HSPA2: variants seen among roughly 807,000 people sequenced by gnomAD.
HSPA2 encodes heat shock-related 70 kDa protein 2.
A neutral mutation model predicts 35.0 loss-of-function variants in HSPA2; 13 were observed. The observed-to-expected ratio is 0.37, with a 90% CI of 0.24 to 0.59. The LOEUF is 0.59. Among genes scored for constraint, HSPA2 ranks in the 20% least tolerant of loss-of-function variants. The pLI, the probability that HSPA2 is intolerant of heterozygous loss-of-function variation, is 0.70. For missense variants in HSPA2, 565 were observed against 885.4 expected (o/e 0.64, Z 4.59); for synonymous variants, 368 against 382.1 (o/e 0.96, Z 0.43).
At chr14:64,539,921 C>G (rs2080010871), upstream of HSPA2, among the ~76,000 whole-genome samples, 1 of 152,172 alleles carries the variant, frequency 6.6e-6, no homozygotes, top group Non-Finnish European at 1.5e-5. Context: ...ACGTCGTGAT[C>G]CGGCCGCCTC....
At chr14:64,538,396 C>T (rs1271439242), upstream of HSPA2, among the ~76,000 whole-genome samples, 2 of 152,198 alleles carry the variant, frequency 1.3e-5, no homozygotes, top group Admixed American at 6.5e-5. Context: ...GAGATGTATC[C>T]TATCCACCTG....
In HSPA2 at chr14:64,542,398, G is replaced by A; in HGVS notation, c.1549G>A (p.Asp517Asn). ...TNDKGRLSKDDIDRMVQEAER... is the reference protein window; with the variant it reads ...TNDKGRLSKDNIDRMVQEAER... ...TGACAAAGGTCGTCTGAGCAAGGAC[G>A]ACATTGACCGGATGGTGCAGGAGGC... The change falls in exon 1 of 1, where the codon GAC becomes AAC. Residue 517 changes from aspartate to asparagine, a missense_variant. Physicochemically the swap from Asp to Asn is conservative, Grantham distance 23. Coordinates refer to ENST00000247207, the MANE Select transcript of HSPA2 (RefSeq NM_021979.4). The surrounding 1 kb of genome is among the most constrained non-coding windows in gnomAD (Gnocchi z 5.7). 2 of 1,613,810 alleles carry A rather than the reference G, an allele frequency of 1.2e-6. No homozygotes were observed. The highest frequency in any genetic ancestry group is 1.7e-6 in the Non-Finnish European group (2 of 1,179,926).
At chr14:64,537,734 T>C (rs927972261), upstream of HSPA2, among the ~76,000 whole-genome samples, 1 of 142,560 alleles carries the variant, frequency 7.0e-6, no homozygotes, top group Non-Finnish European at 1.5e-5. Flanking sequence ...CTTTTCTTTT[T>C]CTTTTTTTTT....
chr14:64,539,099 C>T (rs939253945), upstream of HSPA2, among the ~76,000 whole-genome samples: 4 of 152,254 alleles, frequency 2.6e-5, no homozygotes, highest in African/African-American at 9.6e-5. Context: ...AGCCTCCACA[C>T]CCGTCCAGGA....
At position 64,542,629 on chromosome 14, in the gene HSPA2, G is replaced by C; in HGVS notation, c.1780G>C (p.Glu594Gln). 3.1e-6 allele frequency: 5 copies of C among 1,613,948 alleles called. No individual in the cohort carries two copies. Among genetic ancestry groups the C allele is most frequent in the Non-Finnish European group, 4.2e-6 (5 of 1,180,016 alleles). ...CCGAAACCAGATGGCAGAGAAAGAT[G>C]AGTATGAACACAAGCAGAAAGAGCT... ...LDRNQMAEKD[E>Q]YEHKQKELER... is the part of the protein sequence containing the mutation. The change falls in exon 1 of 1, where the codon GAG (glutamate) becomes CAG (glutamine). Residue 594 changes from glutamate (E) to glutamine (Q), a missense_variant. Glu to Gln is a conservative substitution (Grantham distance 29). Around this residue, in one of 4 missense-constraint regions of HSPA2, gnomAD observed 147 missense variants for 166.7 expected, o/e 0.88. Coordinates refer to ENST00000247207, the MANE Select transcript of HSPA2 (RefSeq NM_021979.4). This position sits in a 1 kb window ranked among gnomAD's most constrained non-coding sequence, Gnocchi z 5.7.
Position 64,542,720 on chromosome 14 carries a change from G to T in HSPA2, c.1871G>T (p.Gly624Val). ...YQGGPGGGSG[G>V]GGSGASGGPT... ...GGTGGTCCTGGCGGCGGCAGCGGCG[G>T]CGGCGGTTCAGGAGCCTCCGGGGGA... The change falls in exon 1 of 1, where the codon GGC becomes GTC. Residue 624 changes from glycine to valine, a missense_variant. By Grantham distance (109) the Gly-to-Val change is moderately radical. This residue lies in a region of HSPA2 where 147 missense variants were observed against 166.7 expected (regional missense o/e 0.88). Coordinates refer to ENST00000247207, the MANE Select transcript of HSPA2 (RefSeq NM_021979.4). This position sits in a 1 kb window ranked among gnomAD's most constrained non-coding sequence, Gnocchi z 5.7. 1 of 1,613,666 alleles carries T rather than the reference G, an allele frequency of 6.2e-7. No homozygotes were observed. The highest frequency in any genetic ancestry group is 2.2e-5 in the East Asian group (1 of 44,858).
At position 64,541,018 on chromosome 14, in the gene HSPA2, A is replaced by C. The variant is rs934309617; in HGVS notation, c.169A>C (p.Lys57Gln). 7 of 1,614,058 alleles carry C rather than the reference A, an allele frequency of 4.3e-6. No homozygotes were observed. The highest frequency in any genetic ancestry group is 5.9e-6 in the Non-Finnish European group (7 of 1,180,038). ...CGAGCGCCTCATCGGCGACGCCGCC[A>C]AGAACCAGGTGGCCATGAACCCCAC... is the stretch of plus-strand genomic sequence containing the variant. ...DTERLIGDAAKNQVAMNPTNT... is the reference protein window; with the variant it reads ...DTERLIGDAAQNQVAMNPTNT... The change falls in exon 1 of 1, where the codon AAG (lysine) becomes CAG (glutamine). Residue 57 changes from lysine to glutamine, a missense_variant. Lys to Gln is a moderately conservative substitution (Grantham distance 53, BLOSUM62 1). This residue lies in a region of HSPA2 where 183 missense variants were observed against 281.6 expected (regional missense o/e 0.65). Coordinates refer to ENST00000247207, the MANE Select transcript of HSPA2 (RefSeq NM_021979.4).
Position 64,541,062 on chromosome 14 carries a change from C to T in HSPA2, c.213C>T (p.Ala71=). The change falls in exon 1 of 1, where the codon GCC becomes GCT. Residue 71 remains alanine, a synonymous_variant. Transcript: ENST00000247207. ...AMNPTNTIFD[A]KRLIGRKFED... ...ACCCCACCAACACCATCTTCGACGCCAAGAGGCTGATTGGACGGAAATTCG... is the reference window on the plus strand; with the variant it reads ...ACCCCACCAACACCATCTTCGACGCTAAGAGGCTGATTGGACGGAAATTCG... 1 of 1,614,190 alleles carries T rather than the reference C, an allele frequency of 6.2e-7. No individual in the cohort carries two copies. The highest frequency in any genetic ancestry group is 1.3e-5 in the African/African-American group (1 of 75,042).
upstream of HSPA2, among the ~76,000 whole-genome samples, chr14:64,539,049 A>AC (rs141686218): frequency 0.014 from 2,102 of 152,116 alleles, 15 homozygotes; most frequent in Non-Finnish European, 0.022. Context: ...CAAGTGATCC[A>AC]CCTACCGCGG....
chr14:64,537,417 C>T (rs1387346737), upstream of HSPA2, among the ~76,000 whole-genome samples: 1 of 152,038 alleles, frequency 6.6e-6, no homozygotes, highest in Non-Finnish European at 1.5e-5. Flanking sequence ...CATGGTGAAA[C>T]CCTGTCTCTA....
At chr14:64,539,484 G>T (rs2080006371), upstream of HSPA2, among the ~76,000 whole-genome samples, 1 of 152,284 alleles carries the variant, frequency 6.6e-6, no homozygotes, top group South Asian at 2.1e-4. Flanking sequence ...TGAACAGGAA[G>T]GCGAAACCAG....
chr14:64,542,330 CCGA>C lies in HSPA2; in HGVS notation c.1483_1485del (p.Asp495del). Reference sequence around the variant, plus strand: ...AATGGCATCCTTAACGTTACCGCCGCCGACAAGAGCACCGGTAAGGAAAACAAA... The same window carrying C: ...AATGGCATCCTTAACGTTACCGCCGCCAAGAGCACCGGTAAGGAAAACAAA... On this transcript the variant is annotated inframe_deletion, in exon 1 of 1. Coordinates refer to ENST00000247207, the MANE Select transcript of HSPA2 (RefSeq NM_021979.4). The surrounding 1 kb of genome is among the most constrained non-coding windows in gnomAD (Gnocchi z 5.7). 5 of 1,613,730 alleles carry C rather than the reference CCGA, an allele frequency of 3.1e-6. No individual in the cohort carries two copies. Among genetic ancestry groups the C allele is most frequent in the Non-Finnish European group, 3.4e-6 (4 of 1,179,878 alleles).
chr14:64,540,513 G>C (rs772693832), upstream of HSPA2: 7 of 311,438 alleles, frequency 2.2e-5, no homozygotes, highest in Non-Finnish European at 3.6e-5. Flanking sequence ...GCGGCCGAGA[G>C]TCAGGGAGGA....
upstream of HSPA2, among the ~76,000 whole-genome samples, chr14:64,537,512 A>T (rs1027840027): frequency 6.6e-6 from 1 of 151,754 alleles, no homozygotes; most frequent in African/African-American, 2.4e-5. Context: ...AATCTCTTGG[A>T]CCAAGGAGGC....
In HSPA2 at chr14:64,542,385, T is replaced by G. The variant is rs1280829638; in HGVS notation, c.1536T>G (p.Arg512=). The part of the protein sequence containing the change: ...NKITITNDKG[R]LSKDDIDRMV... ...TCACCATCACCAATGACAAAGGTCG[T>G]CTGAGCAAGGACGACATTGACCGGA... Residue 512 remains arginine (R), a synonymous_variant, in exon 1 of 1, where the codon CGT becomes CGG. Transcript: ENST00000247207. The surrounding 1 kb of genome is among the most constrained non-coding windows in gnomAD (Gnocchi z 5.7). 6.2e-7 allele frequency: 1 copy of G among 1,613,552 alleles called. No individual in the cohort carries two copies. The highest frequency in any genetic ancestry group is 2.2e-5 in the East Asian group (1 of 44,838).
At position 64,541,107 on chromosome 14, in the gene HSPA2, G is replaced by A; in HGVS notation, c.258G>A (p.Ser86=). The part of the protein sequence containing the change: ...GRKFEDATVQ[S]DMKHWPFRVV... ...AATTCGAGGATGCCACAGTGCAGTC[G>A]GATATGAAACACTGGCCGTTCCGGG... is the stretch of plus-strand genomic sequence containing the variant. The change falls in exon 1 of 1, where the codon TCG becomes TCA. Residue 86 remains serine, a synonymous_variant. Transcript: ENST00000247207. 1 of 1,614,224 alleles carries A rather than the reference G, an allele frequency of 6.2e-7. No individual in the cohort carries two copies. The highest frequency in any genetic ancestry group is 8.5e-7 in the Non-Finnish European group (1 of 1,180,036).
chr14:64,537,952 T>A (rs1260326680), upstream of HSPA2, among the ~76,000 whole-genome samples: 2 of 151,974 alleles, frequency 1.3e-5, no homozygotes, highest in Non-Finnish European at 2.9e-5. Flanking sequence ...GTCTTGAACT[T>A]CTGACCTCGT....
At chr14:64,540,105 C>T (rs963075111), upstream of HSPA2, among the ~76,000 whole-genome samples, 7 of 152,128 alleles carry the variant, frequency 4.6e-5, no homozygotes, top group African/African-American at 1.7e-4. Context: ...CCAAGGGATC[C>T]GCCCTCACCC....
chr14:64,539,258 A>G (rs2080004264), upstream of HSPA2, among the ~76,000 whole-genome samples: 1 of 151,776 alleles, frequency 6.6e-6, no homozygotes, highest in Non-Finnish European at 1.5e-5. Flanking sequence ...TCCAATATTA[A>G]CCTCAGCACA....
Sources: gnomAD v4.1 joint callset for allele counts (sites outside exome capture counted in the v4.1 genomes callset) on GRCh38, gnomAD v4.1.1 for gene constraint, gnomAD v4.1.1 regional missense constraint, Gnocchi (gnomAD v3.1) non-coding constraint, MANE v1.5 for transcripts, NCBI Gene and HGNC (gene_info 2026-07-23, HGNC 2026-07-21) for gene names.